ACTN1: variants seen among roughly 807,000 people sequenced by gnomAD.
ACTN1 encodes actinin alpha 1, also known as alpha-actinin-1.
In ACTN1, 30 loss-of-function variants were observed where a neutral mutation model predicts 119.6. That is an observed-to-expected ratio of 0.25 (90% CI 0.19 to 0.34). The LOEUF (loss-of-function observed/expected upper bound fraction) is 0.34, where lower values mean the gene tolerates loss of function less well. Ranked by LOEUF, ACTN1 falls within the 10% of genes least tolerant of loss-of-function variation. ACTN1 has a pLI of 1.00. For missense variants in ACTN1, 764 were observed against 1,223.4 expected (o/e 0.62, Z 5.60); for synonymous variants, 429 against 472.6 (o/e 0.91, Z 1.20).
At chr14:68,899,838 A>G (rs1197444342) in intron 8 of ACTN1, among the ~76,000 whole-genome samples, 2 of 152,222 alleles carry the variant, frequency 1.3e-5, no homozygotes, top group Non-Finnish European at 1.5e-5. Context: ...CAGAGAGCTC[A>G]GCCTGACCAC....
At chr14:68,975,647 A>T (rs1173623114) in intron 1 of ACTN1, among the ~76,000 whole-genome samples, 1 of 152,166 alleles carries the variant, frequency 6.6e-6, no homozygotes, top group Admixed American at 6.5e-5. Context: ...AAATAACAGC[A>T]ACTCCTAGGA....
intron 1 of ACTN1, among the ~76,000 whole-genome samples, chr14:68,968,397 C>T (rs1042302802): frequency 2.6e-4 from 39 of 152,216 alleles, no homozygotes; most frequent in African/African-American, 9.4e-4. Context: ...TCCCACAGGT[C>T]TACCTTTACA....
rs774807508 is a variant in ACTN1, at chr14:68,874,851, G to A, written c.*8C>T. The A allele has an allele frequency of 7.0e-6, 11 of 1,565,578 alleles. No individual in the cohort carries two copies. In the Admixed American group the frequency reaches 8.7e-5, roughly 12 times the overall value. On this transcript the variant is annotated 3_prime_UTR_variant, in exon 22 of 22. Transcript: ENST00000394419. Reference sequence around the variant, plus strand: ...GCGCACAAGACGAGGGCGGCCGGGCGGGGTGGATTAGAGGTCACTCTCGCC... The same window carrying A: ...GCGCACAAGACGAGGGCGGCCGGGCAGGGTGGATTAGAGGTCACTCTCGCC...
At chr14:68,920,503 T>C (rs2034580697) in intron 3 of ACTN1, among the ~76,000 whole-genome samples, 1 of 152,206 alleles carries the variant, frequency 6.6e-6, no homozygotes, top group Admixed American at 6.5e-5. Context: ...TTTTGGTAAG[T>C]GTTTCTAAGT....
chr14:68,879,873 T>A lies in ACTN1; in HGVS notation c.2280+89A>T. On this transcript the variant is annotated intron_variant, in intron 18 of 21. Coordinates refer to ENST00000394419, the MANE Select transcript of ACTN1 (RefSeq NM_001130004.2). This position sits in a 1 kb window ranked among gnomAD's most constrained non-coding sequence, Gnocchi z 4.9. ...CCCTTTCTCTCCCTCCTCACTTGCA[T>A]GGCAGCCCACGTCCCGGGGAAGTGC... 1 of 1,535,532 alleles carries A rather than the reference T, an allele frequency of 6.5e-7. No individual in the cohort carries two copies. The highest frequency in any genetic ancestry group is 1.4e-5 in the African/African-American group (1 of 72,994).
intron 1 of ACTN1, among the ~76,000 whole-genome samples, chr14:68,931,978 T>C (rs2035241119): frequency 6.6e-6 from 1 of 151,916 alleles, no homozygotes; most frequent in South Asian, 2.1e-4. Flanking sequence ...GAGGCAGCCC[T>C]TGAAAATGTT....
chr14:68,970,503 T>C (rs2036849750), intron 1 of ACTN1, among the ~76,000 whole-genome samples: 1 of 152,192 alleles, frequency 6.6e-6, no homozygotes, highest in South Asian at 2.1e-4. Context: ...TTGGTTCCCG[T>C]GGTGACCACA....
Position 68,875,793 on chromosome 14 carries a change from T to C in ACTN1, c.2587-776A>G, listed in dbSNP as rs1594744237. Reference sequence around the variant, plus strand: ...GACCAGGCCCCTAGCTGGGCCCTAGTTTTCCTCCTCTACAAAATTAGCCAC... The same window carrying C: ...GACCAGGCCCCTAGCTGGGCCCTAGCTTTCCTCCTCTACAAAATTAGCCAC... On this transcript the variant is annotated intron_variant, in intron 21 of 21. Coordinates refer to ENST00000394419, the MANE Select transcript of ACTN1 (RefSeq NM_001130004.2). Among the ~76,000 whole-genome samples, 4 of 152,330 alleles carry C rather than the reference T, an allele frequency of 2.6e-5. No homozygotes were observed. In the South Asian group the frequency reaches 8.3e-4, roughly 32 times the overall value.
chr14:68,933,673 T>C (rs2035342159), intron 1 of ACTN1, among the ~76,000 whole-genome samples: 1 of 151,940 alleles, frequency 6.6e-6, no homozygotes, highest in African/African-American at 2.4e-5. Flanking sequence ...ACACCTCCAA[T>C]GAAGAAGAGA....
At chr14:68,944,466 T>C (rs918651937) in intron 1 of ACTN1, among the ~76,000 whole-genome samples, 1 of 152,240 alleles carries the variant, frequency 6.6e-6, no homozygotes, top group Non-Finnish European at 1.5e-5. Context: ...GCACTCATTC[T>C]GTATCAGGGA....
rs2034855425 is a variant in ACTN1, at chr14:68,925,157, C to A, written c.220+401G>T. Among the ~76,000 whole-genome samples the A allele has an allele frequency of 6.6e-6, 1 of 152,118 alleles. No individual in the cohort carries two copies. The highest frequency in any genetic ancestry group is 2.4e-5 in the African/African-American group (1 of 41,422). ...GTTCCAGTAGAGCTGTCCCTCCAGA[C>A]ATCTGGACAAACCAGGGGCTGGGGA... On this transcript the variant is annotated intron_variant, in intron 2 of 21. Transcript: ENST00000394419. The surrounding 1 kb of genome is among the most constrained non-coding windows in gnomAD (Gnocchi z 4.3).
chr14:68,936,277 A>G (rs576044616), intron 1 of ACTN1, among the ~76,000 whole-genome samples: 2 of 152,230 alleles, frequency 1.3e-5, no homozygotes, highest in South Asian at 4.1e-4. Context: ...TTTCTGTCTC[A>G]AGACAGCCAG....
At chr14:68,949,310 C>T (rs573109812) in intron 1 of ACTN1, among the ~76,000 whole-genome samples, 2 of 152,142 alleles carry the variant, frequency 1.3e-5, no homozygotes, top group Admixed American at 6.5e-5. Context: ...GTCCAAAACA[C>T]GAGGAGGTCA....
In ACTN1 at chr14:68,947,007, T is replaced by G. The variant is rs59462978; in HGVS notation, c.106-21335A>C. ...CACTTTCCAAGGGGCCATACTTGTC[T>G]CATTCCAATGGGCCCCCGTGAAGAT... is the stretch of plus-strand genomic sequence containing the variant. On this transcript the variant is annotated intron_variant, in intron 1 of 21. Coordinates refer to ENST00000394419, the MANE Select transcript of ACTN1 (RefSeq NM_001130004.2). 7.3e-3 allele frequency among the ~76,000 whole-genome samples: 1,119 copies of G among 152,316 alleles called. 11 individuals are homozygous for G. Among genetic ancestry groups the G allele is most frequent in the African/African-American group, 0.026 (1,063 of 41,574 alleles).
chr14:68,882,627 G>C lies in ACTN1; in HGVS notation c.1819-35C>G, dbSNP rs764001704. The C allele has an allele frequency of 3.1e-6, 5 of 1,612,404 alleles. No individual in the cohort carries two copies. The highest frequency in any genetic ancestry group is 3.3e-5 in the Admixed American group (2 of 59,996). On this transcript the variant is annotated intron_variant, in intron 15 of 21. Coordinates refer to ENST00000394419, the MANE Select transcript of ACTN1 (RefSeq NM_001130004.2). The surrounding 1 kb of genome is among the most constrained non-coding windows in gnomAD (Gnocchi z 4.5). The stretch of plus-strand genomic sequence containing the variant: ...GAACAACAAGGCGACTTTCAGGATG[G>C]GTCAGCCATCTGTCCATGTGCCAGA...
chr14:68,956,477 T>A (rs545384555), intron 1 of ACTN1, among the ~76,000 whole-genome samples: 1 of 152,200 alleles, frequency 6.6e-6, no homozygotes, highest in East Asian at 1.9e-4. Context: ...TGCAGATTTC[T>A]GGGCTCTAAC....
At chr14:68,892,452 G>A (rs2032570384) in intron 9 of ACTN1, among the ~76,000 whole-genome samples, 169 bp from the exon 10 acceptor site, 1 of 152,136 alleles carries the variant, frequency 6.6e-6, no homozygotes, top group South Asian at 2.1e-4. Flanking sequence ...CAGCTTCCAG[G>A]GTGTTCCCTC....
chr14:68,905,382 G>C (rs1460235886), intron 6 of ACTN1, among the ~76,000 whole-genome samples: 2 of 152,238 alleles, frequency 1.3e-5, no homozygotes, highest in Non-Finnish European at 2.9e-5. Flanking sequence ...AATGCTGTGA[G>C]AATAGGATGG....
chr14:68,912,122 G>T, intron 4 of ACTN1, 34 bp downstream of exon 4: 1 of 1,601,544 alleles, frequency 6.2e-7, no homozygotes, highest in Non-Finnish European at 8.6e-7. Flanking sequence ...GAGACGAGAT[G>T]GTGATGGCGG....
Sources: allele counts gnomAD v4.1 joint callset (sites outside exome capture counted in the v4.1 genomes callset), GRCh38; gene constraint gnomAD v4.1.1; non-coding constraint Gnocchi (gnomAD v3.1); transcripts MANE v1.5; gene names NCBI Gene and HGNC (gene_info 2026-07-23, HGNC 2026-07-21).